The following LRMDA variants were observed in gnomAD, a reference collection of about 807,000 sequenced individuals.
LRMDA encodes leucine rich melanocyte differentiation associated.
A neutral mutation model predicts 29.8 loss-of-function variants in LRMDA; 18 were observed. The ratio of observed to expected loss-of-function variants is 0.60; its 90% CI spans 0.42 to 0.90. The LOEUF (loss-of-function observed/expected upper bound fraction) is 0.90. Ranked by LOEUF, LRMDA falls within the 40% of genes least tolerant of loss-of-function variation. The pLI is 0.00. For synonymous variants in LRMDA, 125 were observed against 109.4 expected, an observed-to-expected ratio of 1.14 and a Z score of -0.89; for missense variants, 273 against 273.9, an observed-to-expected ratio of 1.00 and a Z score of 0.02.
chr10:76,251,007 A>G (rs887904544), intron 5 of LRMDA, among the ~76,000 whole-genome samples: 6 of 152,132 alleles, frequency 3.9e-5, no homozygotes, highest in African/African-American at 1.4e-4. Flanking sequence ...ATCAGATGGC[A>G]GCTCACAAAA....
At chr10:75,533,989 G>C (rs899068431) in intron 2 of LRMDA, among the ~76,000 whole-genome samples, 1 of 152,196 alleles carries the variant, frequency 6.6e-6, no homozygotes, top group African/African-American at 2.4e-5. Context: ...TGTTAGGGTA[G>C]CGTTCGGGGC....
At chr10:75,864,953 A>T (rs1350259167) in intron 2 of LRMDA, among the ~76,000 whole-genome samples, 1 of 152,194 alleles carries the variant, frequency 6.6e-6, no homozygotes, top group Non-Finnish European at 1.5e-5. Flanking sequence ...TTTCAGAATG[A>T]TTTATGACAT....
At chr10:76,098,035 C>T (rs1435623430) in intron 5 of LRMDA, among the ~76,000 whole-genome samples, 2 of 152,112 alleles carry the variant, frequency 1.3e-5, no homozygotes, top group Non-Finnish European at 2.9e-5. Flanking sequence ...ATAGTCATCC[C>T]ACAGTGGTCT....
At chr10:75,490,061 T>C (rs1162524686) in intron 2 of LRMDA, among the ~76,000 whole-genome samples, 1 of 152,214 alleles carries the variant, frequency 6.6e-6, no homozygotes, top group African/African-American at 2.4e-5. Flanking sequence ...GTTCATGTCA[T>C]TTGTGTCTTA....
Position 76,277,764 on chromosome 10 carries a change from CAT to C in LRMDA, c.517-46636_517-46635del, listed in dbSNP as rs202202243. On this transcript the variant is annotated intron_variant, in intron 5 of 6. Transcript: ENST00000611255. ...GTTGCAGTTTGAGAAGTAAGTATTT[CAT>C]GTTTTGTCCATGTTCTGTAGCTTCA... Among the ~76,000 whole-genome samples, 44 of 152,266 alleles carry C rather than the reference CAT, an allele frequency of 2.9e-4. No individual in the cohort carries two copies. The East Asian group carries it at 4.1e-3, about 14-fold the overall frequency.
intron 2 of LRMDA, among the ~76,000 whole-genome samples, chr10:75,936,012 T>C (rs571093911): frequency 1.3e-5 from 2 of 152,230 alleles, no homozygotes; most frequent in South Asian, 4.2e-4. Flanking sequence ...TTTTATTTTA[T>C]TTTATTTTGT....
chr10:76,498,335 G>C (rs1342571608), intron 6 of LRMDA, among the ~76,000 whole-genome samples: 1 of 75,280 alleles, frequency 1.3e-5, no homozygotes, highest in African/African-American at 3.2e-5. Flanking sequence ...TGGCAGCCCT[G>C]GTTCTCTGAG....
intron 2 of LRMDA, among the ~76,000 whole-genome samples, chr10:75,507,622 C>A (rs976319098): frequency 2.0e-5 from 3 of 152,226 alleles, no homozygotes; most frequent in African/African-American, 7.2e-5. Context: ...GAGCCAGTTC[C>A]TATTCTGTCA....
At chr10:76,134,277 A>G (rs1012331851) in intron 5 of LRMDA, among the ~76,000 whole-genome samples, 1 of 152,188 alleles carries the variant, frequency 6.6e-6, no homozygotes, top group Non-Finnish European at 1.5e-5. Context: ...GCATCTGATG[A>G]TGGTGAGACT....
chr10:75,898,998 A>G (rs1845628565), intron 2 of LRMDA, among the ~76,000 whole-genome samples: 2 of 152,230 alleles, frequency 1.3e-5, no homozygotes, highest in African/African-American at 2.4e-5. Flanking sequence ...ACACAGGTAC[A>G]TGCTCTATAC....
At chr10:76,525,150 C>T (rs2132366511) in intron 6 of LRMDA, among the ~76,000 whole-genome samples, 1 of 152,170 alleles carries the variant, frequency 6.6e-6, no homozygotes. Flanking sequence ...GTGTTCAGAT[C>T]TTGCAAAAGA....
intron 2 of LRMDA, among the ~76,000 whole-genome samples, chr10:75,996,001 G>A (rs1360512437): frequency 6.6e-6 from 1 of 152,138 alleles, no homozygotes; most frequent in African/African-American, 2.4e-5. Context: ...CTTTGCCTGG[G>A]AAAAGCCTAA....
intron 2 of LRMDA, among the ~76,000 whole-genome samples, chr10:75,869,163 T>G (rs1845068336): frequency 6.6e-6 from 1 of 152,218 alleles, no homozygotes; most frequent in South Asian, 2.1e-4. Context: ...TCACATCCAC[T>G]AGCTCTTTGA....
intron 2 of LRMDA, among the ~76,000 whole-genome samples, chr10:75,671,814 G>A (rs1206482995): frequency 2.0e-5 from 3 of 152,094 alleles, no homozygotes; most frequent in Non-Finnish European, 4.4e-5. Flanking sequence ...CTAAGCCCGT[G>A]TGCATCTTCC....
intron 2 of LRMDA, among the ~76,000 whole-genome samples, chr10:75,523,908 T>G (rs1270208814): frequency 3.9e-5 from 6 of 152,170 alleles, no homozygotes; most frequent in African/African-American, 1.4e-4. Flanking sequence ...AGAAAAAGCA[T>G]CTGAAAACGT....
intron 5 of LRMDA, among the ~76,000 whole-genome samples, chr10:76,215,089 T>C (rs1209347818): frequency 6.6e-6 from 1 of 152,154 alleles, no homozygotes; most frequent in Non-Finnish European, 1.5e-5. Context: ...TGAGGAGCAC[T>C]GGGTTGAGAA....
At chr10:75,473,741 G>A (rs763645660) in intron 2 of LRMDA, among the ~76,000 whole-genome samples, 5 of 152,232 alleles carry the variant, frequency 3.3e-5, no homozygotes, top group Non-Finnish European at 7.3e-5. Flanking sequence ...TGCCTGTGTA[G>A]TGTCTGACTT....
chr10:75,910,203 A>G (rs185655021), intron 2 of LRMDA, among the ~76,000 whole-genome samples: 104 of 152,274 alleles, frequency 6.8e-4, no homozygotes, highest in African/African-American at 2.3e-3. Flanking sequence ...TGTCTTATTA[A>G]TGCATTTTGT....
chr10:75,936,757 G>T (rs945134567), intron 2 of LRMDA, among the ~76,000 whole-genome samples: 2 of 152,080 alleles, frequency 1.3e-5, no homozygotes, highest in Non-Finnish European at 1.5e-5. Context: ...TTTTATAAGG[G>T]CACTAATCCC....
Sources: gnomAD v4.1 joint callset for allele counts (sites outside exome capture counted in the v4.1 genomes callset) on GRCh38, gnomAD v4.1.1 for gene constraint, MANE v1.5 for transcripts, NCBI Gene and HGNC (gene_info 2026-07-23, HGNC 2026-07-21) for gene names.